PIK3C2A: variants seen among roughly 807,000 people sequenced by gnomAD.
PIK3C2A encodes phosphatidylinositol 4-phosphate 3-kinase C2 domain-containing subunit alpha.
A neutral mutation model predicts 204.5 loss-of-function variants in PIK3C2A; 97 were observed. The ratio of observed to expected loss-of-function variants is 0.47; its 90% CI spans 0.40 to 0.56. PIK3C2A has a LOEUF of 0.56. Ranked by LOEUF, PIK3C2A falls within the 20% of genes least tolerant of loss-of-function variation. The pLI is 0.00. For missense variants in PIK3C2A, 1,735 were observed against 1,969.2 expected, an observed-to-expected ratio of 0.88 and a Z score of 2.25; for synonymous variants, 653 against 664.4, an observed-to-expected ratio of 0.98 and a Z score of 0.26.
At chr11:17,175,320 C>T (rs910066246) in intron 1 of PIK3C2A, among the ~76,000 whole-genome samples, 20 of 152,158 alleles carry the variant, frequency 1.3e-4, no homozygotes, top group African/African-American at 4.8e-4. Context: ...GAGCTGATTG[C>T]TACCAGCTAA....
intron 1 of PIK3C2A, among the ~76,000 whole-genome samples, chr11:17,197,049 C>T (rs1043319693): frequency 2.6e-5 from 4 of 152,076 alleles, no homozygotes; most frequent in Admixed American, 1.3e-4. Context: ...CTATAATCCC[C>T]GCACTTTGGG....
At chr11:17,122,576 G>C in intron 14 of PIK3C2A, 126 bp downstream of exon 14, 3 of 644,662 alleles carry the variant, frequency 4.7e-6, no homozygotes, top group Non-Finnish European at 8.2e-6. Context: ...TAAAATAGAA[G>C]ATAGATCCTG....
chr11:17,178,724 T>A (rs1406713121), intron 1 of PIK3C2A, among the ~76,000 whole-genome samples: 13 of 137,152 alleles, frequency 9.5e-5, no homozygotes, highest in Non-Finnish European at 9.5e-5. Flanking sequence ...TTTTTTTTTT[T>A]TTTTTTTTTT....
intron 8 of PIK3C2A, among the ~76,000 whole-genome samples, chr11:17,140,989 C>T (rs1440127675): frequency 2.0e-5 from 3 of 151,982 alleles, no homozygotes. Context: ...GAACAACATG[C>T]ACAGGGGTCC....
chr11:17,141,468 T>A (rs1850063115), intron 8 of PIK3C2A: 1 of 152,064 alleles, frequency 6.6e-6, no homozygotes, highest in African/African-American at 2.4e-5. Flanking sequence ...AATCTTTACC[T>A]TTTAATAATT....
At chr11:17,114,314 T>A in intron 20 of PIK3C2A, 47 bp downstream of exon 20, 1 of 1,007,210 alleles carries the variant, frequency 9.9e-7, no homozygotes, top group Non-Finnish European at 1.6e-6. Context: ...GCCTTCTTCC[T>A]ATTATTTTCA....
At chr11:17,164,343 G>C (rs1405334076) in intron 2 of PIK3C2A, among the ~76,000 whole-genome samples, 5 of 140,488 alleles carry the variant, frequency 3.6e-5, no homozygotes, top group African/African-American at 1.4e-4. Context: ...AACAGTGTGA[G>C]ACCCTGTCTT....
intron 1 of PIK3C2A, among the ~76,000 whole-genome samples, chr11:17,196,039 GA>G (rs1380764333): frequency 2.7e-5 from 4 of 150,020 alleles, no homozygotes; most frequent in Non-Finnish European, 5.9e-5. Context: ...ACTTCATCTC[GA>G]AAGAAAAAAA....
At chr11:17,158,296 C>T (rs1967077) in intron 2 of PIK3C2A, among the ~76,000 whole-genome samples, 2 of 150,646 alleles carry the variant, frequency 1.3e-5, no homozygotes, top group African/African-American at 2.4e-5. Flanking sequence ...TGCAGTGAGC[C>T]GAGATCGTGC....
chr11:17,193,736 C>T (rs1852019616), intron 1 of PIK3C2A, among the ~76,000 whole-genome samples: 1 of 151,132 alleles, frequency 6.6e-6, no homozygotes, highest in Non-Finnish European at 1.5e-5. Context: ...GTCCCAGCTA[C>T]TCGGGAGGCT....
chr11:17,138,083 A>T (rs1849933755), intron 8 of PIK3C2A: 1 of 696,090 alleles, frequency 1.4e-6, no homozygotes, highest in East Asian at 3.1e-5. Context: ...CATTTAGCAC[A>T]CATGGAATCA....
intron 1 of PIK3C2A, among the ~76,000 whole-genome samples, chr11:17,207,150 G>A (rs1852609489): frequency 6.6e-6 from 1 of 152,118 alleles, no homozygotes; most frequent in East Asian, 1.9e-4. Context: ...ATTCAGTGAG[G>A]AAAATAAGTA....
chr11:17,116,264 C>G (rs1849186198), intron 19 of PIK3C2A, among the ~76,000 whole-genome samples: 1 of 152,014 alleles, frequency 6.6e-6, no homozygotes, highest in African/African-American at 2.4e-5. Context: ...CCAAAGAATA[C>G]AAATGGCCAA....
At chr11:17,182,213 AGTAT>A (rs1480600344) in intron 1 of PIK3C2A, among the ~76,000 whole-genome samples, 16 of 152,118 alleles carry the variant, frequency 1.1e-4, no homozygotes, top group Admixed American at 5.9e-4. Flanking sequence ...TGGTTACCCA[AGTAT>A]GTATTTATAA....
intron 3 of PIK3C2A, among the ~76,000 whole-genome samples, chr11:17,151,448 T>C (rs930279195): frequency 2.6e-5 from 4 of 152,180 alleles, no homozygotes; most frequent in African/African-American, 4.8e-5. Flanking sequence ...GTATACTTGC[T>C]TCTGTAGAGA....
chr11:17,168,882 A>G lies in PIK3C2A; in HGVS notation c.860T>C (p.Leu287Ser), dbSNP rs1239179629. The G allele has an allele frequency of 6.2e-7, 1 of 1,614,150 alleles. No individual in the cohort carries two copies. Among genetic ancestry groups the G allele is most frequent in the East Asian group, 2.2e-5 (1 of 44,872 alleles). Reference protein sequence around the residue: ...SKPKVDNVEVLDHEEEKNVSS... With the variant: ...SKPKVDNVEVSDHEEEKNVSS... ...AACATTTTTCTCTTCCTCATGGTCT[A>G]ATACCTCCACATTATCCACCTTAGG... Residue 287 changes from leucine (L) to serine (S), a missense_variant, in exon 2 of 33, where the codon TTA becomes TCA. Leu to Ser is a moderately radical substitution (Grantham distance 145). Transcript: ENST00000691414.
Position 17,094,258 on chromosome 11 carries a change from T to C in PIK3C2A, c.4451+3A>G, listed in dbSNP as rs4543968. The C allele has an allele frequency of 1.2e-6, 2 of 1,605,084 alleles. No homozygotes were observed. The highest frequency in any genetic ancestry group is 1.7e-6 in the Non-Finnish European group (2 of 1,173,070). On this transcript the variant is annotated splice_donor_region_variant and intron_variant, in intron 28 of 32. Coordinates refer to ENST00000691414, the MANE Select transcript of PIK3C2A (RefSeq NM_002645.4). ...GGATTAATGTACAAGGATGAATACA[T>C]ACCCTGGTAACTTCCAAAGTGGAAA... is the stretch of plus-strand genomic sequence containing the variant.
intron 8 of PIK3C2A, among the ~76,000 whole-genome samples, chr11:17,142,397 G>A (rs1421204234): frequency 5.9e-5 from 9 of 152,180 alleles, no homozygotes; most frequent in Non-Finnish European, 1.2e-4. Context: ...GAAGCCACAA[G>A]TAAGAGTGAG....
intron 2 of PIK3C2A, among the ~76,000 whole-genome samples, chr11:17,156,067 G>A (rs1850581745): frequency 6.6e-6 from 1 of 152,120 alleles, no homozygotes; most frequent in Non-Finnish European, 1.5e-5. Context: ...GGTTTTTTAT[G>A]TAAGAGAATG....
Sources: allele counts gnomAD v4.1 joint callset (sites outside exome capture counted in the v4.1 genomes callset), GRCh38; gene constraint gnomAD v4.1.1; transcripts MANE v1.5; gene names NCBI Gene and HGNC (gene_info 2026-07-23, HGNC 2026-07-21).